Variants in COMMD1 observed in about 807,000 individuals in gnomAD.
COMMD1 encodes copper metabolism domain containing 1, also known as COMM domain-containing protein 1.
COMMD1 carries 10 observed loss-of-function variants against 17.2 expected under a neutral mutation model. The observed-to-expected ratio is 0.58, with a 90% CI of 0.36 to 0.99. The LOEUF (loss-of-function observed/expected upper bound fraction) is 0.99, where lower values mean the gene tolerates loss of function less well. Ranked by LOEUF, COMMD1 falls within the 50% of genes least tolerant of loss-of-function variation. The probability of loss-of-function intolerance (pLI) is 0.01; values close to 1 mark genes in which losing one functional copy is unlikely to be tolerated. For synonymous variants in COMMD1, 97 were observed against 91.6 expected (o/e 1.06, Z -0.34); for missense variants, 270 against 231.8 (o/e 1.17, Z -1.07).
chr2:62,074,796 C>G (rs568302998), intron 2 of COMMD1, among the ~76,000 whole-genome samples: 59 of 151,502 alleles, frequency 3.9e-4, no homozygotes, highest in African/African-American at 1.4e-3. Context: ...TCCTTTCCCT[C>G]TTAGCCATTA....
At chr2:61,918,818 T>A (rs1264680547) in intron 1 of COMMD1, among the ~76,000 whole-genome samples, 2 of 151,964 alleles carry the variant, frequency 1.3e-5, no homozygotes, top group East Asian at 3.9e-4. Context: ...TGAAAAAAAA[T>A]CATGATTTTT....
intron 1 of COMMD1, among the ~76,000 whole-genome samples, chr2:61,941,783 T>C (rs186405091): frequency 7.2e-5 from 11 of 152,324 alleles, no homozygotes; most frequent in Non-Finnish European, 1.3e-4. Flanking sequence ...ATTAAGAATT[T>C]TGTCCTTAAA....
chr2:62,016,510 CTT>C (rs762996597), intron 2 of COMMD1, among the ~76,000 whole-genome samples: 118 of 132,196 alleles, frequency 8.9e-4, no homozygotes, highest in African/African-American at 3.0e-3. Flanking sequence ...AACCCAGCCT[CTT>C]TTTTTTTTTT....
At chr2:61,912,484 C>A (rs938647603) in intron 1 of COMMD1, among the ~76,000 whole-genome samples, 9 of 152,158 alleles carry the variant, frequency 5.9e-5, no homozygotes, top group Non-Finnish European at 1.0e-4. Flanking sequence ...TGCCTGTAAT[C>A]CCAGCACTTT....
intron 2 of COMMD1, among the ~76,000 whole-genome samples, chr2:62,108,521 G>A (rs1322044383): frequency 6.6e-6 from 1 of 152,148 alleles, no homozygotes; most frequent in African/African-American, 2.4e-5. Flanking sequence ...TTGTGGGAAG[G>A]TAAATATAGG....
At chr2:61,936,515 GATA>G (rs1670611192) in intron 1 of COMMD1, among the ~76,000 whole-genome samples, 1 of 152,210 alleles carries the variant, frequency 6.6e-6, no homozygotes, top group Non-Finnish European at 1.5e-5. Context: ...AACATTTTAA[GATA>G]ATAACTGGAA....
intron 2 of COMMD1, among the ~76,000 whole-genome samples, chr2:62,091,799 C>T (rs1300795724): frequency 6.6e-6 from 1 of 152,168 alleles, no homozygotes; most frequent in Non-Finnish European, 1.5e-5. Flanking sequence ...GCAGTTGTCT[C>T]AACTGATAAT....
chr2:61,934,087 A>G (rs1670541355), intron 1 of COMMD1, among the ~76,000 whole-genome samples: 1 of 152,216 alleles, frequency 6.6e-6, no homozygotes, highest in Non-Finnish European at 1.5e-5. Flanking sequence ...TGTAATCCAA[A>G]ATACCTAAAT....
chr2:62,095,358 T>C (rs1671971136), intron 2 of COMMD1, among the ~76,000 whole-genome samples: 1 of 152,238 alleles, frequency 6.6e-6, no homozygotes, highest in Non-Finnish European at 1.5e-5. Flanking sequence ...AAAATTCTAT[T>C]GGCTAACTTA....
chr2:61,915,422 G>A (rs1670023619), intron 1 of COMMD1, among the ~76,000 whole-genome samples: 1 of 151,660 alleles, frequency 6.6e-6, no homozygotes, highest in Admixed American at 6.6e-5. Context: ...TTTTTCATGT[G>A]TTTTTTTCCC....
At chr2:62,084,669 G>C (rs1334125202) in intron 2 of COMMD1, 1 of 152,172 alleles carries the variant, frequency 6.6e-6, no homozygotes, top group South Asian at 2.1e-4. Context: ...GTCACCATCA[G>C]TTGCTTTCTG....
Position 61,977,844 on chromosome 2 carries a change from CA to C in COMMD1, c.181-22856del, listed in dbSNP as rs199766299. 9.0e-3 allele frequency among the ~76,000 whole-genome samples: 1,366 copies of C among 150,958 alleles called. 9 individuals are homozygous for C. Among genetic ancestry groups the C allele is most frequent in the Non-Finnish European group, 0.015 (982 of 67,714 alleles). ...TCTACTAAAAATACAAAAATTAGCC[CA>C]GGGGGTGGTGGTGTGTGCCTGTAAT... is the stretch of plus-strand genomic sequence containing the variant. On this transcript the variant is annotated intron_variant, in intron 1 of 2. Transcript: ENST00000311832.
intron 2 of COMMD1, among the ~76,000 whole-genome samples, chr2:62,123,581 A>C (rs964899974): frequency 6.6e-6 from 1 of 151,648 alleles, no homozygotes; most frequent in Non-Finnish European, 1.5e-5. Flanking sequence ...GAAAGGAAGG[A>C]AGGCATGGAG....
chr2:61,951,493 G>A (rs920283669), intron 1 of COMMD1, among the ~76,000 whole-genome samples: 8 of 151,556 alleles, frequency 5.3e-5, no homozygotes, highest in African/African-American at 1.7e-4. Flanking sequence ...TGCATCTTCA[G>A]TTCAAATTAC....
Position 61,905,691 on chromosome 2 carries a change from G to A in COMMD1, c.13G>A (p.Glu5Lys). MAAG[E>K]LEGGKPLSGL... ...GCCTTCGCAGAGCATGGCGGCGGGC[G>A]AGCTTGAGGGTGGCAAACCCCTGAG... Residue 5 changes from glutamate to lysine, a missense_variant, in exon 1 of 3, where the codon GAG (glutamate) becomes AAG (lysine). By Grantham distance (56) the Glu-to-Lys change is moderately conservative (BLOSUM62 1). Transcript: ENST00000311832. 1.9e-6 allele frequency: 3 copies of A among 1,568,224 alleles called. No homozygotes were observed. The highest frequency in any genetic ancestry group is 1.3e-5 in the African/African-American group (1 of 74,302).
intron 1 of COMMD1, among the ~76,000 whole-genome samples, chr2:61,890,135 A>G (rs62149897): frequency 0.064 from 9,793 of 152,308 alleles, 452 homozygotes; most frequent in Admixed American, 0.13. Flanking sequence ...CTGCAAAGTG[A>G]CAGTTGCGTG....
At chr2:62,052,699 G>T (rs1670570880) in intron 2 of COMMD1, among the ~76,000 whole-genome samples, 3 of 152,082 alleles carry the variant, frequency 2.0e-5, no homozygotes. Flanking sequence ...GGGCCAAAGG[G>T]ACAGCTAACT....
chr2:61,892,185 A>G (rs1238537743), intron 1 of COMMD1, among the ~76,000 whole-genome samples: 1 of 151,954 alleles, frequency 6.6e-6, no homozygotes, highest in Non-Finnish European at 1.5e-5. Flanking sequence ...CAAACAAACA[A>G]AAATACTTTC....
At chr2:61,996,490 C>T (rs1387406764) in intron 1 of COMMD1, among the ~76,000 whole-genome samples, 1 of 151,974 alleles carries the variant, frequency 6.6e-6, no homozygotes, top group Non-Finnish European at 1.5e-5. Flanking sequence ...GTGGACTCTC[C>T]CTTTCATGAA....
Sources: gnomAD v4.1 joint callset for allele counts (sites outside exome capture counted in the v4.1 genomes callset) on GRCh38, gnomAD v4.1.1 for gene constraint, MANE v1.5 for transcripts, NCBI Gene and HGNC (gene_info 2026-07-23, HGNC 2026-07-21) for gene names.